Variants in ZSCAN5A observed in about 807,000 individuals in gnomAD.
ZSCAN5A encodes zinc finger and SCAN domain containing 5A.
Under a neutral mutation model 23.7 loss-of-function variants are expected in ZSCAN5A, and 12 were observed. That is an observed-to-expected ratio of 0.51 (90% CI 0.32 to 0.82). The LOEUF (loss-of-function observed/expected upper bound fraction) is 0.82. ZSCAN5A is among the 40% of genes least tolerant of loss of function. The probability of loss-of-function intolerance (pLI) is 0.03; values close to 1 mark genes in which losing one functional copy is unlikely to be tolerated. For synonymous variants in ZSCAN5A, 257 were observed against 239.9 expected, an observed-to-expected ratio of 1.07 and a Z score of -0.66; for missense variants, 597 against 617.9, an observed-to-expected ratio of 0.97 and a Z score of 0.36.
At chr19:56,356,552 C>T (rs1019330467) in intron 2 of ZSCAN5A, among the ~76,000 whole-genome samples, 3 of 147,700 alleles carry the variant, frequency 2.0e-5, no homozygotes, top group Admixed American at 6.7e-5. Context: ...ACTTCTACTA[C>T]GGGGTGGGGA....
At chr19:56,329,006 A>AT (rs1555811868) in intron 2 of ZSCAN5A, among the ~76,000 whole-genome samples, 1,536 of 144,556 alleles carry the variant, frequency 0.011, 27 homozygotes, top group African/African-American at 0.038. Flanking sequence ...AAAAAAAAAA[A>AT]AAATAAATAA....
At chr19:56,286,829 C>T (rs1045584880) in intron 2 of ZSCAN5A, 6 of 152,278 alleles carry the variant, frequency 3.9e-5, no homozygotes, top group Admixed American at 6.5e-5. Context: ...TCATCTCTCA[C>T]TGCTAGAGAT....
At chr19:56,297,821 T>C (rs1241493324) in intron 2 of ZSCAN5A, 1 of 152,148 alleles carries the variant, frequency 6.6e-6, no homozygotes. Context: ...GACATGGAAA[T>C]TACCAAGCTA....
chr19:56,226,138 G>T (rs951788080), intron 2 of ZSCAN5A, among the ~76,000 whole-genome samples: 15 of 152,124 alleles, frequency 9.9e-5, no homozygotes, highest in Non-Finnish European at 1.3e-4. Context: ...GAAGCAACCT[G>T]AAGGTCTGCA....
chr19:56,302,531 T>TCCCC (rs2040345499), intron 2 of ZSCAN5A, among the ~76,000 whole-genome samples: 1 of 17,952 alleles, frequency 5.6e-5, no homozygotes, highest in East Asian at 1.3e-3. Context: ...CCTCCCTCCC[T>TCCCC]CTTCTTCCTC....
chr19:56,314,683 T>C lies in ZSCAN5A; in HGVS notation c.-232A>G, dbSNP rs1202574920. On this transcript the variant is annotated splice_region_variant and 5_prime_UTR_variant, in exon 1 of 6. An upstream start codon of the reference 5' UTR is lost. Transcript: ENST00000683990. ...GGAAGGGAAGCTAAAGTCGTTACCA[T>C]GGTGACCGCGACACACTCAGAAACG... 1.3e-5 allele frequency: 2 copies of C among 150,054 alleles called. No individual in the cohort carries two copies. Among genetic ancestry groups the C allele is most frequent in the African/African-American group, 4.9e-5 (2 of 40,994 alleles). 9.3% of individuals were successfully genotyped at this position (150,054 alleles called of 1,614,324 possible). A position where few individuals can be genotyped will look rare whatever the true frequency, so the allele number is the denominator to read the frequency against.
rs576693370 is a variant in ZSCAN5A at position 56,353,524 on chromosome 19, T to C, written c.-358+9711A>G. Among the ~76,000 whole-genome samples the C allele has an allele frequency of 3.3e-3, 504 of 152,128 alleles. 2 individuals are homozygous for C. Among genetic ancestry groups the C allele is most frequent in the African/African-American group, 0.011 (474 of 41,520 alleles). The stretch of plus-strand genomic sequence containing the variant: ...GTGGCTCACGCCTGTAATCCCAGCA[T>C]TTTGGGAGGCCGAGGCGGGCGAATC... On this transcript the variant is annotated intron_variant, in intron 2 of 6. Transcript: ENST00000587340.
At chr19:56,323,829 C>A (rs2041406888) in intron 2 of ZSCAN5A, among the ~76,000 whole-genome samples, 1 of 151,990 alleles carries the variant, frequency 6.6e-6, no homozygotes, top group African/African-American at 2.4e-5. Flanking sequence ...AGCCACCATG[C>A]CTGGCCGGCA....
Position 56,239,936 on chromosome 19 carries a change from G to A in ZSCAN5A, c.-127-14763C>T, listed in dbSNP as rs552188418. On this transcript the variant is annotated intron_variant, in intron 2 of 5. Transcript: ENST00000683990. ...CTCAGCACTTTGGGAGGCCGAGGTG[G>A]GCAGATCACTAGGTCAGGAGTTCAA... is the stretch of plus-strand genomic sequence containing the variant. Among the ~76,000 whole-genome samples, 49 of 152,158 alleles carry A rather than the reference G, an allele frequency of 3.2e-4. 1 individual carries two copies. In the East Asian group the frequency reaches 7.0e-3, roughly 22 times the overall value.
chr19:56,261,565 A>T (rs1437925390), intron 2 of ZSCAN5A, among the ~76,000 whole-genome samples: 2 of 152,184 alleles, frequency 1.3e-5, no homozygotes, highest in Non-Finnish European at 2.9e-5. Context: ...GCCTGACTTG[A>T]AAGTGTCTTT....
intron 2 of ZSCAN5A, among the ~76,000 whole-genome samples, chr19:56,250,883 T>C (rs1207219899): frequency 1.3e-5 from 2 of 152,108 alleles, no homozygotes; most frequent in African/African-American, 4.8e-5. Flanking sequence ...GCTATTCAAC[T>C]AAATGACCAC....
Position 56,222,666 on chromosome 19 carries a change from C to G in ZSCAN5A, c.664G>C (p.Glu222Gln), listed in dbSNP as rs754811958. ...PKSLRPKQTL[E>Q]KDLKENREEN... The stretch of plus-strand genomic sequence containing the variant: ...TCCCTGTTTTCCTTCAGATCCTTCT[C>G]CAAGGTCTGCTTGGGTCTCAGAGAC... Residue 222 changes from glutamate to glutamine, a missense_variant, in exon 5 of 6, where the codon GAG becomes CAG. By Grantham distance (29) the Glu-to-Gln change is conservative. Transcript: ENST00000683990. The G allele has an allele frequency of 1.9e-6, 3 of 1,614,190 alleles. No homozygotes were observed. The highest frequency in any genetic ancestry group is 2.5e-6 in the Non-Finnish European group (3 of 1,180,032).
At chr19:56,273,169 C>T (rs73069662) in intron 2 of ZSCAN5A, among the ~76,000 whole-genome samples, 66,011 of 152,052 alleles carry the variant, frequency 0.43, 15,635 homozygotes, top group Non-Finnish European at 0.53. Context: ...TGGGGAGACA[C>T]TGCGTCTGCA....
At chr19:56,254,821 G>C (rs888641904) in intron 2 of ZSCAN5A, among the ~76,000 whole-genome samples, 1 of 152,066 alleles carries the variant, frequency 6.6e-6, no homozygotes, top group East Asian at 1.9e-4. Context: ...TCTTGTGTCT[G>C]TTGGCCATTT....
intron 4 of ZSCAN5A, among the ~76,000 whole-genome samples, 153 bp from the exon 5 acceptor site, chr19:56,222,894 C>G (rs186575487): frequency 6.6e-6 from 1 of 152,140 alleles, no homozygotes; most frequent in South Asian, 2.1e-4. Flanking sequence ...CATCACCCCA[C>G]GTAAACATCA....
chr19:56,223,620 C>T lies in ZSCAN5A; in HGVS notation c.588+11G>A. The T allele has an allele frequency of 1.2e-6, 2 of 1,613,458 alleles. No individual in the cohort carries two copies. The highest frequency in any genetic ancestry group is 2.7e-5 in the African/African-American group (2 of 74,952). ...CACCTCTGCCCAGACACCAAGGCCT[C>T]ACACACTCACCTGCCTCCTGGACAA... is the stretch of plus-strand genomic sequence containing the variant. On this transcript the variant is annotated intron_variant, in intron 4 of 5. Coordinates refer to ENST00000683990, the MANE Select transcript of ZSCAN5A (RefSeq NM_001322064.3).
chr19:56,262,056 C>G (rs979848823), intron 2 of ZSCAN5A, among the ~76,000 whole-genome samples: 2 of 152,184 alleles, frequency 1.3e-5, no homozygotes, highest in Non-Finnish European at 2.9e-5. Context: ...GAGTCTCACT[C>G]TGTTGCCCAG....
At chr19:56,232,829 C>G (rs991015296) in intron 2 of ZSCAN5A, among the ~76,000 whole-genome samples, 1 of 152,126 alleles carries the variant, frequency 6.6e-6, no homozygotes, top group African/African-American at 2.4e-5. Flanking sequence ...CAGGTGTGCA[C>G]CACCAGGCCT....
chr19:56,265,247 C>G (rs937284527), intron 2 of ZSCAN5A, among the ~76,000 whole-genome samples: 2 of 151,544 alleles, frequency 1.3e-5, no homozygotes, highest in Admixed American at 1.3e-4. Context: ...TCAGATCCAT[C>G]CTAGCACAGG....
Sources: allele counts gnomAD v4.1 joint callset (sites outside exome capture counted in the v4.1 genomes callset), GRCh38; gene constraint gnomAD v4.1.1; transcripts MANE v1.5; gene names NCBI Gene and HGNC (gene_info 2026-07-23, HGNC 2026-07-21).